Variants in NLGN1 observed in about 807,000 individuals in gnomAD.
The protein encoded by NLGN1 is neuroligin-1.
In NLGN1, 12 loss-of-function variants were observed where a neutral mutation model predicts 65.5. The ratio of observed to expected loss-of-function variants is 0.18; its 90% CI spans 0.12 to 0.30. NLGN1 has a LOEUF of 0.30. NLGN1 is among the 10% of genes least tolerant of loss of function. The pLI, the probability that NLGN1 is intolerant of heterozygous loss-of-function variation, is 1.00. For missense variants in NLGN1, 750 were observed against 1,007.1 expected, an observed-to-expected ratio of 0.74 and a Z score of 3.46; for synonymous variants, 350 against 359.5, an observed-to-expected ratio of 0.97 and a Z score of 0.30.
chr3:173,552,271 CAGA>C (rs1197951265), intron 2 of NLGN1, among the ~76,000 whole-genome samples: 1 of 152,176 alleles, frequency 6.6e-6, no homozygotes, highest in South Asian at 2.1e-4. Context: ...CTCAACAGGT[CAGA>C]AGAAGTCATT....
chr3:173,448,644 C>T (rs1720855281), intron 2 of NLGN1, among the ~76,000 whole-genome samples: 1 of 152,148 alleles, frequency 6.6e-6, no homozygotes, highest in African/African-American at 2.4e-5. Flanking sequence ...ATGGTACCAG[C>T]TCCTCTTTGT....
intron 2 of NLGN1, among the ~76,000 whole-genome samples, chr3:173,593,850 A>C (rs746258567): frequency 6.6e-6 from 1 of 152,214 alleles, no homozygotes; most frequent in Non-Finnish European, 1.5e-5. Flanking sequence ...CACTTCTTAC[A>C]TGTTGGCGGC....
At chr3:173,984,829 G>A (rs570932532) in intron 4 of NLGN1, among the ~76,000 whole-genome samples, 21 of 152,188 alleles carry the variant, frequency 1.4e-4, no homozygotes, top group African/African-American at 4.6e-4. Context: ...GGATCACAAC[G>A]TCAGGAGTTC....
intron 4 of NLGN1, among the ~76,000 whole-genome samples, chr3:174,167,109 GA>G (rs1343022443): frequency 6.6e-6 from 1 of 152,012 alleles, no homozygotes; most frequent in Non-Finnish European, 1.5e-5. Context: ...GAAGACAGAA[GA>G]AAGATGAGTC....
intron 2 of NLGN1, among the ~76,000 whole-genome samples, chr3:173,515,319 T>A (rs1403375614): frequency 6.6e-6 from 1 of 152,172 alleles, no homozygotes; most frequent in Non-Finnish European, 1.5e-5. Flanking sequence ...ATTCAAGGTT[T>A]TAGCCCATTT....
intron 4 of NLGN1, among the ~76,000 whole-genome samples, chr3:173,948,436 A>G (rs892114349): frequency 6.6e-6 from 1 of 152,226 alleles, no homozygotes; most frequent in African/African-American, 2.4e-5. Context: ...GGACAAAAAA[A>G]GTTGAGACGG....
chr3:173,730,333 C>CCCG lies in NLGN1; in HGVS notation c.494-77347_494-77346insCCG, dbSNP rs1553821997. ...TACTGCCCCACCGCTCCCCCCCCCCCGCAAAAATAGAATGAAAGCTACAAA... is the reference window on the plus strand; with the variant it reads ...TACTGCCCCACCGCTCCCCCCCCCCCCCGGCAAAAATAGAATGAAAGCTACAAA... On this transcript the variant is annotated intron_variant, in intron 3 of 6. Transcript: ENST00000457714. Among the ~76,000 whole-genome samples, 7 of 143,948 alleles carry CCCG rather than the reference C, an allele frequency of 4.9e-5. 2 individuals carry two copies. Among genetic ancestry groups the CCCG allele is most frequent in the Non-Finnish European group, 9.2e-5 (6 of 65,392 alleles). The allele number at this position is 143,948 out of a possible 152,430, so 94.4% of individuals were successfully genotyped here.
At chr3:173,980,775 G>A (rs528347277) in intron 4 of NLGN1, among the ~76,000 whole-genome samples, 2 of 152,154 alleles carry the variant, frequency 1.3e-5, no homozygotes, top group African/African-American at 2.4e-5. Flanking sequence ...TACTTGGGCA[G>A]GGGTGGGAAT....
chr3:173,998,921 C>T (rs1722768231), intron 4 of NLGN1, among the ~76,000 whole-genome samples: 1 of 152,186 alleles, frequency 6.6e-6, no homozygotes, highest in Admixed American at 6.6e-5. Flanking sequence ...CCATTATAGT[C>T]TAATAAACAT....
chr3:173,824,755 C>T (rs912272964), intron 4 of NLGN1, among the ~76,000 whole-genome samples: 3 of 152,016 alleles, frequency 2.0e-5, no homozygotes, highest in African/African-American at 7.2e-5. Context: ...AGCACTTAAC[C>T]ATTGTGAATA....
At chr3:173,527,447 G>T (rs1223840495) in intron 2 of NLGN1, among the ~76,000 whole-genome samples, 1 of 152,088 alleles carries the variant, frequency 6.6e-6, no homozygotes, top group African/African-American at 2.4e-5. Flanking sequence ...ACCCAGGCTG[G>T]AGTGCAGTGG....
intron 4 of NLGN1, among the ~76,000 whole-genome samples, chr3:173,844,626 A>G (rs1490711676): frequency 2.6e-5 from 4 of 152,200 alleles, no homozygotes; most frequent in Non-Finnish European, 5.9e-5. Flanking sequence ...ATCTGGTTTC[A>G]TCTCCTCTGC....
intron 3 of NLGN1, among the ~76,000 whole-genome samples, chr3:173,755,948 A>G (rs1218671705): frequency 1.3e-5 from 2 of 152,126 alleles, no homozygotes; most frequent in Admixed American, 6.6e-5. Flanking sequence ...TGGAAGATCA[A>G]TTGTATCATT....
chr3:173,686,248 A>G (rs1174764427), intron 3 of NLGN1, among the ~76,000 whole-genome samples: 1 of 151,948 alleles, frequency 6.6e-6, no homozygotes, highest in Non-Finnish European at 1.5e-5. Flanking sequence ...TAAGATGAGA[A>G]AGCAAACGCA....
chr3:173,887,276 G>A (rs913810885), intron 4 of NLGN1, among the ~76,000 whole-genome samples: 2 of 151,798 alleles, frequency 1.3e-5, no homozygotes, highest in Admixed American at 6.6e-5. Context: ...TATATTTCTT[G>A]GATCACAATG....
intron 4 of NLGN1, among the ~76,000 whole-genome samples, chr3:174,263,138 G>A (rs1489976559): frequency 6.7e-6 from 1 of 150,090 alleles, no homozygotes; most frequent in African/African-American, 2.5e-5. Context: ...GTGTGGTGTG[G>A]TGCTGAAAAA....
At chr3:173,480,325 C>T (rs74719729) in intron 2 of NLGN1, among the ~76,000 whole-genome samples, 5 of 151,928 alleles carry the variant, frequency 3.3e-5, no homozygotes, top group Non-Finnish European at 5.9e-5. Flanking sequence ...AAAGAAATGA[C>T]GAATGGGTTT....
At chr3:173,479,252 A>G (rs1456859243) in intron 2 of NLGN1, among the ~76,000 whole-genome samples, 5 of 152,024 alleles carry the variant, frequency 3.3e-5, no homozygotes, top group African/African-American at 1.2e-4. Flanking sequence ...AGGTGGCTAT[A>G]TGTGTGGCAT....
chr3:173,562,227 G>A (rs998492575), intron 2 of NLGN1, among the ~76,000 whole-genome samples: 1 of 152,182 alleles, frequency 6.6e-6, no homozygotes, highest in African/African-American at 2.4e-5. Context: ...GCATGCATGT[G>A]TGTCTTGGCC....
Sources: gnomAD v4.1 joint callset for allele counts (sites outside exome capture counted in the v4.1 genomes callset) on GRCh38, gnomAD v4.1.1 for gene constraint, MANE v1.5 for transcripts, NCBI Gene and HGNC (gene_info 2026-07-23, HGNC 2026-07-21) for gene names.